MAP3K4: variants seen among roughly 807,000 people sequenced by gnomAD.
MAP3K4 encodes MAP three kinase 1.
MAP3K4 carries 67 observed loss-of-function variants against 185.6 expected under a neutral mutation model. The ratio of observed to expected loss-of-function variants is 0.36; its 90% CI spans 0.30 to 0.44. The LOEUF (loss-of-function observed/expected upper bound fraction) is 0.44. Among genes scored for constraint, MAP3K4 ranks in the 20% least tolerant of loss-of-function variants. The pLI is 1.00. For synonymous variants in MAP3K4, 702 were observed against 710.4 expected (o/e 0.99, Z 0.19); for missense variants, 1,551 against 1,995.1 (o/e 0.78, Z 4.24).
intron 2 of MAP3K4, among the ~76,000 whole-genome samples, chr6:161,046,447 A>G (rs1441419664): frequency 6.6e-6 from 1 of 152,082 alleles, no homozygotes; most frequent in East Asian, 1.9e-4. Flanking sequence ...TAAATGGACT[A>G]TATGAAAAGT....
Position 160,992,103 on chromosome 6 carries a change from T to C in MAP3K4, c.152+20T>C, listed in dbSNP as rs1780740886. The C allele has an allele frequency of 6.5e-7, 1 of 1,533,538 alleles. No homozygotes were observed. The highest frequency in any genetic ancestry group is 1.7e-4 in the Middle Eastern group (1 of 5,740). The allele number at this position is 1,533,538 out of a possible 1,614,324, so 95.0% of individuals were successfully genotyped here. A position where few individuals can be genotyped will look rare whatever the true frequency, so the allele number is the denominator to read the frequency against. Reference sequence around the variant, plus strand: ...GGCGAGGTGAGTGTGGCGGCCGCAGTCGGTCGCTCGCAGAAAGCGGGGCGG... The same window carrying C: ...GGCGAGGTGAGTGTGGCGGCCGCAGCCGGTCGCTCGCAGAAAGCGGGGCGG... On this transcript the variant is annotated intron_variant, in intron 1 of 26. Transcript: ENST00000392142.
rs927748363 is a variant in MAP3K4 at position 161,048,573 on chromosome 6, T to A, written c.344-43T>A. Reference sequence around the variant, plus strand: ...TGAAAATATTGAGAGTAGCTTCATATTTTAGAGTTATATAATGTTCTGTTT... The same window carrying A: ...TGAAAATATTGAGAGTAGCTTCATAATTTAGAGTTATATAATGTTCTGTTT... On this transcript the variant is annotated intron_variant, in intron 2 of 26. Transcript: ENST00000392142. This position sits in a 1 kb window ranked among gnomAD's most constrained non-coding sequence, Gnocchi z 4.7. 11 of 1,298,268 alleles carry A rather than the reference T, an allele frequency of 8.5e-6. No individual in the cohort carries two copies. Among genetic ancestry groups the A allele is most frequent in the Middle Eastern group, 2.4e-4 (1 of 4,212 alleles). 80.4% of individuals were successfully genotyped at this position (1,298,268 alleles called of 1,614,324 possible).
intron 2 of MAP3K4, among the ~76,000 whole-genome samples, chr6:161,044,337 C>A (rs963837446): frequency 2.6e-5 from 4 of 152,278 alleles, no homozygotes; most frequent in African/African-American, 9.6e-5. Context: ...GAATTCTGCT[C>A]TGTTTCCATT....
rs1420379061 is a variant in MAP3K4, at chr6:161,087,124, TCCGTATGTG to T, written c.2556+458_2556+466del. On this transcript the variant is annotated intron_variant, in intron 9 of 26. Coordinates refer to ENST00000392142, the MANE Select transcript of MAP3K4 (RefSeq NM_005922.4). This position sits in a 1 kb window ranked among gnomAD's most constrained non-coding sequence, Gnocchi z 4.9. Reference sequence around the variant, plus strand: ...TGTTGGAGATTTAGCACAGTTAGAATCCGTATGTGATGTCATCACTGGACATTTTATCCC... The same window carrying T: ...TGTTGGAGATTTAGCACAGTTAGAATATGTCATCACTGGACATTTTATCCC... Among the ~76,000 whole-genome samples the T allele has an allele frequency of 6.6e-6, 1 of 152,178 alleles. No homozygotes were observed. The highest frequency in any genetic ancestry group is 2.4e-5 in the African/African-American group (1 of 41,434).
At position 161,075,998 on chromosome 6, in the gene MAP3K4, T is replaced by C. The variant is rs531849654; in HGVS notation, c.2097+2386T>C. Among the ~76,000 whole-genome samples, 18 of 152,280 alleles carry C rather than the reference T, an allele frequency of 1.2e-4. No individual in the cohort carries two copies. Among genetic ancestry groups the C allele is most frequent in the African/African-American group, 4.3e-4 (18 of 41,576 alleles). ...GCAGTCAAATTATGTTTAACACCCT[T>C]GTCTGGAAACCCACCGAAAACAGCA... On this transcript the variant is annotated intron_variant, in intron 5 of 26. Coordinates refer to ENST00000392142, the MANE Select transcript of MAP3K4 (RefSeq NM_005922.4). This position sits in a 1 kb window ranked among gnomAD's most constrained non-coding sequence, Gnocchi z 4.3.
chr6:161,018,324 A>G (rs989308610), intron 1 of MAP3K4, among the ~76,000 whole-genome samples: 1 of 152,188 alleles, frequency 6.6e-6, no homozygotes, highest in African/African-American at 2.4e-5. Context: ...AAATAAGGCA[A>G]AGAGCTGTTG....
At chr6:161,046,402 T>C (rs887166700) in intron 2 of MAP3K4, among the ~76,000 whole-genome samples, 8 of 152,130 alleles carry the variant, frequency 5.3e-5, no homozygotes, top group African/African-American at 1.9e-4. Context: ...TAAGCATTTA[T>C]AGCTAGAAAC....
Position 161,008,549 on chromosome 6 carries a change from T to A in MAP3K4, c.152+16466T>A, listed in dbSNP as rs574296848. On this transcript the variant is annotated intron_variant, in intron 1 of 26. Coordinates refer to ENST00000392142, the MANE Select transcript of MAP3K4 (RefSeq NM_005922.4). This position sits in a 1 kb window ranked among gnomAD's most constrained non-coding sequence, Gnocchi z 4.1. ...GGCAGTTGACCAATTATGTAGGACC[T>A]TGTAGTTTCCCCTCTACTTTGTGTT... is the stretch of plus-strand genomic sequence containing the variant. Among the ~76,000 whole-genome samples, 1 of 152,224 alleles carries A rather than the reference T, an allele frequency of 6.6e-6. No homozygotes were observed. Among genetic ancestry groups the A allele is most frequent in the African/African-American group, 2.4e-5 (1 of 41,462 alleles).
rs956573113 is a variant in MAP3K4, at chr6:161,106,834, C to G, written c.4048+129C>G. On this transcript the variant is annotated intron_variant, in intron 20 of 26. Coordinates refer to ENST00000392142, the MANE Select transcript of MAP3K4 (RefSeq NM_005922.4). The surrounding 1 kb of genome is among the most constrained non-coding windows in gnomAD (Gnocchi z 4.9). ...AGACATAGCAAGTATGCATTGTTAT[C>G]TTTTTGCAAAGTGGTCTGGATTTTT... The G allele has an allele frequency of 1.6e-6, 1 of 645,130 alleles. No individual in the cohort carries two copies. The highest frequency in any genetic ancestry group is 2.4e-6 in the Non-Finnish European group (1 of 424,780). 40.0% of individuals were successfully genotyped at this position (645,130 alleles called of 1,614,324 possible).
At position 161,064,698 on chromosome 6, in the gene MAP3K4, AATT is replaced by A. The variant is rs1373373709; in HGVS notation, c.1708-5903_1708-5901del. ...TCAAATCCACACAACATGACATCAG[AATT>A]ATTATTGTAATTACATTGCATGGTC... On this transcript the variant is annotated intron_variant, in intron 3 of 26. Transcript: ENST00000392142. This position sits in a 1 kb window ranked among gnomAD's most constrained non-coding sequence, Gnocchi z 4.3. Among the ~76,000 whole-genome samples, 3 of 152,208 alleles carry A rather than the reference AATT, an allele frequency of 2.0e-5. No homozygotes were observed. Among genetic ancestry groups the A allele is most frequent in the African/African-American group, 7.2e-5 (3 of 41,450 alleles).
At chr6:161,010,027 A>G (rs1460920127) in intron 1 of MAP3K4, among the ~76,000 whole-genome samples, 1 of 152,200 alleles carries the variant, frequency 6.6e-6, no homozygotes, top group Non-Finnish European at 1.5e-5. Context: ...TAAAAAAAAT[A>G]AAAAAGAAAA....
At chr6:161,012,722 C>T (rs1218542255) in intron 1 of MAP3K4, among the ~76,000 whole-genome samples, 7 of 151,990 alleles carry the variant, frequency 4.6e-5, no homozygotes, top group Non-Finnish European at 7.4e-5. Flanking sequence ...TGAGAAAAGA[C>T]GTTGTGAAAG....
chr6:161,048,410 GA>G lies in MAP3K4; in HGVS notation c.344-201del. 4.9e-6 allele frequency: 3 copies of G among 611,694 alleles called. No individual in the cohort carries two copies. Among genetic ancestry groups the G allele is most frequent in the South Asian group, 4.0e-5 (2 of 50,556 alleles). The allele number at this position is 611,694 out of a possible 1,614,324, so 37.9% of individuals were successfully genotyped here. A position where few individuals can be genotyped will look rare whatever the true frequency, so the allele number is the denominator to read the frequency against. On this transcript the variant is annotated intron_variant, in intron 2 of 26. Coordinates refer to ENST00000392142, the MANE Select transcript of MAP3K4 (RefSeq NM_005922.4). This position sits in a 1 kb window ranked among gnomAD's most constrained non-coding sequence, Gnocchi z 4.7. ...ATATAAGAGAATACAGCAAATACTGGAAAAATGGATAATTTTTTTTAAAATA... is the reference window on the plus strand; with the variant it reads ...ATATAAGAGAATACAGCAAATACTGGAAAATGGATAATTTTTTTTAAAATA...
chr6:161,001,020 AATATATATTATATATTATAATATACACAT>A (rs1781278763), intron 1 of MAP3K4, among the ~76,000 whole-genome samples: 1 of 17,518 alleles, frequency 5.7e-5, no homozygotes, highest in African/African-American at 3.8e-4. Context: ...ATATGTATAT[AATATATATTATATATTATAATATACACAT>A]ATGTATATAA....
chr6:161,049,919 A>G lies in MAP3K4; in HGVS notation c.1647A>G (p.Leu549=), dbSNP rs1783924931. Residue 549 remains leucine, a synonymous_variant, in exon 3 of 27, where the codon CTA becomes CTG. Coordinates refer to ENST00000392142, the MANE Select transcript of MAP3K4 (RefSeq NM_005922.4). The surrounding 1 kb of genome is among the most constrained non-coding windows in gnomAD (Gnocchi z 8.4). Reference sequence around the variant, plus strand: ...AGTTAATTTTAAGACTTCACAAGCTAATGGATGGTTCCTTGCAAAGGGCAC... The same window carrying G: ...AGTTAATTTTAAGACTTCACAAGCTGATGGATGGTTCCTTGCAAAGGGCAC... The part of the protein sequence containing the change: ...LRKLILRLHK[L]MDGSLQRARI... 1 of 1,613,926 alleles carries G rather than the reference A, an allele frequency of 6.2e-7. No individual in the cohort carries two copies. The highest frequency in any genetic ancestry group is 8.5e-7 in the Non-Finnish European group (1 of 1,179,968).
chr6:161,048,595 GTTTATTT>G lies in MAP3K4; in HGVS notation c.344-17_344-11del. ...ATATTTTAGAGTTATATAATGTTCT[GTTTATTT>G]TTTTTTTTAATAGAAAAAATGAATG... On this transcript the variant is annotated splice_polypyrimidine_tract_variant and intron_variant, in intron 2 of 26. Transcript: ENST00000392142. This position sits in a 1 kb window ranked among gnomAD's most constrained non-coding sequence, Gnocchi z 4.7. 7.0e-7 allele frequency: 1 copy of G among 1,437,408 alleles called. No homozygotes were observed. Among genetic ancestry groups the G allele is most frequent in the Non-Finnish European group, 9.4e-7 (1 of 1,059,342 alleles). 89.0% of individuals were successfully genotyped at this position (1,437,408 alleles called of 1,614,324 possible).
At position 161,073,471 on chromosome 6, in the gene MAP3K4, G is replaced by A; in HGVS notation, c.1956G>A (p.Val652=). Residue 652 remains valine (V), a synonymous_variant, in exon 5 of 27, where the codon GTG becomes GTA. Coordinates refer to ENST00000392142, the MANE Select transcript of MAP3K4 (RefSeq NM_005922.4). The surrounding 1 kb of genome is among the most constrained non-coding windows in gnomAD (Gnocchi z 4.2). ...CTGTGTGTGTTGTTTTGCAGCTGGT[G>A]AGAGAGTGTAAGGAGGTCCTGAAGG... The part of the protein sequence containing the change: ...EPSLLSIKQL[V]RECKEVLKGG... 1 of 1,600,540 alleles carries A rather than the reference G, an allele frequency of 6.2e-7. No homozygotes were observed. The highest frequency in any genetic ancestry group is 8.5e-7 in the Non-Finnish European group (1 of 1,173,508).
chr6:161,026,336 C>T (rs945742349), intron 1 of MAP3K4, among the ~76,000 whole-genome samples: 15 of 152,090 alleles, frequency 9.9e-5, no homozygotes, highest in Middle Eastern at 3.4e-3. Context: ...GGGGTTTCAC[C>T]ATGTTAGCCA....
chr6:161,067,225 T>A lies in MAP3K4; in HGVS notation c.1708-3383T>A. 2.3e-6 allele frequency: 1 copy of A among 429,266 alleles called. No homozygotes were observed. The highest frequency in any genetic ancestry group is 4.7e-6 in the Non-Finnish European group (1 of 213,020). 26.6% of individuals were successfully genotyped at this position (429,266 alleles called of 1,614,324 possible). ...GAGACATGAGACATCAATCAATATATGTAAGATGTACATTGGTTCCATCCA... is the reference window on the plus strand; with the variant it reads ...GAGACATGAGACATCAATCAATATAAGTAAGATGTACATTGGTTCCATCCA... On this transcript the variant is annotated intron_variant, in intron 3 of 26. Coordinates refer to ENST00000392142, the MANE Select transcript of MAP3K4 (RefSeq NM_005922.4). This position sits in a 1 kb window ranked among gnomAD's most constrained non-coding sequence, Gnocchi z 6.3.
Sources: allele counts gnomAD v4.1 joint callset (sites outside exome capture counted in the v4.1 genomes callset), GRCh38; gene constraint gnomAD v4.1.1; non-coding constraint Gnocchi (gnomAD v3.1); transcripts MANE v1.5; gene names NCBI Gene and HGNC (gene_info 2026-07-23, HGNC 2026-07-21).